GASK1A: variants seen among roughly 807,000 people sequenced by gnomAD.
GASK1A encodes golgi associated kinase 1A, also known as Golgi-associated kinase 1A.
In GASK1A, 40 loss-of-function variants were observed where a neutral mutation model predicts 41.2. The ratio of observed to expected loss-of-function variants is 0.97; its 90% CI spans 0.75 to 1.27. GASK1A has a LOEUF of 1.27. Among genes scored for constraint, GASK1A ranks in the 50% most tolerant of loss-of-function variants. The probability of loss-of-function intolerance (pLI) is 0.00; values close to 1 mark genes in which losing one functional copy is unlikely to be tolerated. For synonymous variants in GASK1A, 316 were observed against 307.1 expected, an observed-to-expected ratio of 1.03 and a Z score of -0.30; for missense variants, 678 against 745.1, an observed-to-expected ratio of 0.91 and a Z score of 1.05.
chr3:43,044,253 C>T (rs980932168), intron 2 of GASK1A, among the ~76,000 whole-genome samples: 23 of 152,202 alleles, frequency 1.5e-4, no homozygotes, highest in African/African-American at 5.5e-4. Flanking sequence ...CAAGAGAATT[C>T]AGCTGGTGAG....
chr3:43,052,481 C>T (rs1387484632), intron 2 of GASK1A, among the ~76,000 whole-genome samples: 2 of 152,178 alleles, frequency 1.3e-5, no homozygotes, highest in Admixed American at 6.5e-5. Context: ...ACCTTCTACC[C>T]TAGGCATTCA....
chr3:43,025,559 G>A (rs1280860526), intron 1 of GASK1A, among the ~76,000 whole-genome samples: 2 of 152,174 alleles, frequency 1.3e-5, no homozygotes, highest in Non-Finnish European at 2.9e-5. Flanking sequence ...ACTCCAAAGG[G>A]CTTCAAGGGT....
intron 2 of GASK1A, among the ~76,000 whole-genome samples, chr3:43,051,761 A>G (rs909822314): frequency 1.3e-5 from 2 of 152,202 alleles, no homozygotes; most frequent in Admixed American, 1.3e-4. Context: ...GCAACCAAAA[A>G]ACCATGCCTT....
intron 4 of GASK1A, 52 bp downstream of exon 4, chr3:43,055,587 C>A: frequency 7.5e-7 from 1 of 1,326,524 alleles, no homozygotes; most frequent in Non-Finnish European, 1.1e-6. Context: ...ACCTGATGGC[C>A]TTGCTGCAAA....
At chr3:43,016,564 C>CAT in intron 1 of GASK1A, among the ~76,000 whole-genome samples, 1 of 151,426 alleles carries the variant, frequency 6.6e-6, no homozygotes, top group East Asian at 2.0e-4. Flanking sequence ...CTGGAAGGGG[C>CAT]TGTGAGAGTT....
chr3:43,024,700 C>T (rs934847317), intron 1 of GASK1A, among the ~76,000 whole-genome samples: 1 of 152,118 alleles, frequency 6.6e-6, no homozygotes, highest in Non-Finnish European at 1.5e-5. Context: ...CCTGATAACC[C>T]CTCTTATCTG....
At chr3:42,993,643 TTCA>T (rs2089353821) in intron 1 of GASK1A, among the ~76,000 whole-genome samples, 1 of 152,232 alleles carries the variant, frequency 6.6e-6, no homozygotes, top group South Asian at 2.1e-4. Context: ...TGTGTAGATA[TTCA>T]TCAATGTGAT....
intron 2 of GASK1A, among the ~76,000 whole-genome samples, chr3:43,052,647 A>C (rs943605684): frequency 1.3e-5 from 2 of 152,000 alleles, no homozygotes; most frequent in Non-Finnish European, 2.9e-5. Context: ...AACCTTCTCC[A>C]AACCAACTCC....
intron 1 of GASK1A, among the ~76,000 whole-genome samples, chr3:43,029,625 A>T (rs1380478232): frequency 6.6e-6 from 1 of 152,110 alleles, no homozygotes; most frequent in African/African-American, 2.4e-5. Flanking sequence ...GTTTGGCAAA[A>T]GTGGGGCCAA....
In GASK1A at chr3:43,023,230, G is replaced by A. The variant is rs1472932244; in HGVS notation, c.4-9037G>A. On this transcript the variant is annotated intron_variant, in intron 1 of 4. Transcript: ENST00000430121. ...AGACCATGGAGGCGGAGACTGGAGT[G>A]ATGTGACTACAAGACAAGGAATGCC... is the stretch of plus-strand genomic sequence containing the variant. Among the ~76,000 whole-genome samples the A allele has an allele frequency of 2.0e-5, 3 of 152,142 alleles. No individual in the cohort carries two copies. The East Asian group carries it at 5.8e-4, about 29-fold the overall frequency.
At chr3:43,055,341 C>CT (rs1370836609) in intron 3 of GASK1A, 91 bp from the exon 4 acceptor site, 1 of 846,160 alleles carries the variant, frequency 1.2e-6, no homozygotes, top group South Asian at 1.6e-5. Flanking sequence ...CAGCTCAGGG[C>CT]TGTCAGCCCC....
Position 43,057,109 on chromosome 3 carries a change from T to G in GASK1A, c.*723T>G, listed in dbSNP as rs2089720100. On this transcript the variant is annotated 3_prime_UTR_variant, in exon 5 of 5. Transcript: ENST00000430121. ...TTGTCAACTCACTATATTTTTACTT[T>G]ATTAACTATATTCTGTATCAGCCAT... 1 of 152,238 alleles carries G rather than the reference T, an allele frequency of 6.6e-6. No individual in the cohort carries two copies. Among genetic ancestry groups the G allele is most frequent in the Non-Finnish European group, 1.5e-5 (1 of 68,050 alleles). The allele number at this position is 152,238 out of a possible 1,614,324, so 9.4% of individuals were successfully genotyped here.
At chr3:42,995,862 C>A (rs184906538) in intron 1 of GASK1A, among the ~76,000 whole-genome samples, 14 of 152,338 alleles carry the variant, frequency 9.2e-5, no homozygotes, top group Admixed American at 6.5e-4. Context: ...TCCCCACCCC[C>A]TCTTGATCCC....
intron 2 of GASK1A, among the ~76,000 whole-genome samples, chr3:43,040,239 A>G (rs898535603): frequency 6.6e-6 from 1 of 150,976 alleles, no homozygotes; most frequent in African/African-American, 2.4e-5. Context: ...CATTTGTTGA[A>G]TAATCAATCT....
chr3:43,053,493 C>T (rs1307784247), intron 2 of GASK1A, 28 bp from the exon 3 acceptor site: 2 of 1,514,320 alleles, frequency 1.3e-6, no homozygotes, highest in African/African-American at 2.8e-5. Flanking sequence ...CCCTGCCGCA[C>T]CCCACCGAAG....
chr3:43,005,040 G>A (rs2089428973), intron 1 of GASK1A, among the ~76,000 whole-genome samples: 1 of 138,216 alleles, frequency 7.2e-6, no homozygotes, highest in Admixed American at 7.0e-5. Context: ...AGCCACCAGT[G>A]CAGCATCTTC....
At chr3:43,013,129 AAG>A (rs2125680188) in intron 1 of GASK1A, among the ~76,000 whole-genome samples, 1 of 144,532 alleles carries the variant, frequency 6.9e-6, no homozygotes, top group African/African-American at 2.6e-5. Context: ...AAGCCACTGA[AAG>A]GGGCAGTGTG....
At chr3:43,020,133 G>T (rs1259356967) in intron 1 of GASK1A, among the ~76,000 whole-genome samples, 2 of 152,042 alleles carry the variant, frequency 1.3e-5, no homozygotes, top group African/African-American at 4.8e-5. Flanking sequence ...CTGGGGAGTG[G>T]AGATCTAGTG....
At position 43,055,483 on chromosome 3, in the gene GASK1A, C is replaced by A. The variant is rs1175782993; in HGVS notation, c.1465C>A (p.Leu489Ile). 7.1e-6 allele frequency: 11 copies of A among 1,551,890 alleles called. No homozygotes were observed. The highest frequency in any genetic ancestry group is 9.6e-6 in the Non-Finnish European group (11 of 1,147,066). Residue 489 changes from leucine (L) to isoleucine (I), a missense_variant, in exon 4 of 5, where the codon CTT (leucine) becomes ATT (isoleucine). By Grantham distance (5) the Leu-to-Ile change is conservative (BLOSUM62 2). Coordinates refer to ENST00000430121, the MANE Select transcript of GASK1A (RefSeq NM_001129908.3). ...GGTCTACATCGATAACGCTGGCAAC[C>A]TTCAGCACCCTGAGGACAAGCTGAA... ...HLVYIDNAGNLQHPEDKLNFR... is the reference protein window; with the variant it reads ...HLVYIDNAGNIQHPEDKLNFR...
Sources: allele counts gnomAD v4.1 joint callset (sites outside exome capture counted in the v4.1 genomes callset), GRCh38; gene constraint gnomAD v4.1.1; transcripts MANE v1.5; gene names NCBI Gene and HGNC (gene_info 2026-07-23, HGNC 2026-07-21).